Variants in PTPRT observed in about 807,000 individuals in gnomAD.
PTPRT encodes receptor-type tyrosine-protein phosphatase T.
Under a neutral mutation model 176.8 loss-of-function variants are expected in PTPRT, and 56 were observed. The observed-to-expected ratio is 0.32, with a 90% CI of 0.26 to 0.40. PTPRT has a LOEUF of 0.40. Among genes scored for constraint, PTPRT ranks in the 10% least tolerant of loss-of-function variants. The pLI, the probability that PTPRT is intolerant of heterozygous loss-of-function variation, is 1.00. For synonymous variants in PTPRT, 783 were observed against 739.0 expected (o/e 1.06, Z -0.96); for missense variants, 1,540 against 1,908.2 (o/e 0.81, Z 3.60).
At chr20:42,455,233 C>A (rs895329091) in intron 8 of PTPRT, among the ~76,000 whole-genome samples, 3 of 152,182 alleles carry the variant, frequency 2.0e-5, no homozygotes, top group Non-Finnish European at 2.9e-5. Context: ...TAAATACTTT[C>A]TCTTTCTGTA....
intron 12 of PTPRT, among the ~76,000 whole-genome samples, chr20:42,311,318 A>T (rs754150015): frequency 2.1e-4 from 32 of 152,176 alleles, no homozygotes; most frequent in Non-Finnish European, 3.7e-4. Context: ...TCACACAGCT[A>T]CTAGGGTTTT....
At chr20:42,668,696 C>CTT (rs34658528) in intron 7 of PTPRT, among the ~76,000 whole-genome samples, 40,563 of 140,804 alleles carry the variant, frequency 0.29, 5,914 homozygotes, top group Non-Finnish European at 0.3. Context: ...GCGGATAATT[C>CTT]TTTTTTTTTT....
intron 7 of PTPRT, chr20:42,606,773 T>G (rs1427318918): frequency 6.6e-6 from 1 of 152,200 alleles, no homozygotes; most frequent in East Asian, 1.9e-4. Flanking sequence ...TTTTTCTGCC[T>G]TTTCTGCCAT....
At chr20:43,096,934 C>T (rs1278939973) in intron 1 of PTPRT, among the ~76,000 whole-genome samples, 1 of 152,122 alleles carries the variant, frequency 6.6e-6, no homozygotes, top group Non-Finnish European at 1.5e-5. Context: ...GGCAGGATTG[C>T]AAGGATGAAG....
At chr20:42,092,407 C>A (rs569937300) in intron 27 of PTPRT, among the ~76,000 whole-genome samples, 8 of 152,314 alleles carry the variant, frequency 5.3e-5, no homozygotes, top group African/African-American at 1.7e-4. Context: ...TTATTTAAAT[C>A]TTCAAAGACA....
chr20:43,137,756 G>A (rs1160022296), intron 1 of PTPRT, among the ~76,000 whole-genome samples: 1 of 152,134 alleles, frequency 6.6e-6, no homozygotes, highest in Admixed American at 6.5e-5. Flanking sequence ...GCCAACACAT[G>A]CACACATGCA....
At chr20:43,112,460 C>T (rs1307216487) in intron 1 of PTPRT, among the ~76,000 whole-genome samples, 1 of 151,954 alleles carries the variant, frequency 6.6e-6, no homozygotes, top group Non-Finnish European at 1.5e-5. Context: ...TATTCTGTTG[C>T]ATGTTACGTA....
intron 1 of PTPRT, among the ~76,000 whole-genome samples, chr20:42,999,997 A>C (rs1984459265): frequency 1.3e-5 from 2 of 150,550 alleles, no homozygotes; most frequent in Non-Finnish European, 3.0e-5. Flanking sequence ...ACAAGATGAA[A>C]TAATTACAAA....
chr20:42,422,469 G>C (rs1444287409), intron 9 of PTPRT, among the ~76,000 whole-genome samples: 1 of 152,206 alleles, frequency 6.6e-6, no homozygotes, highest in Non-Finnish European at 1.5e-5. Flanking sequence ...CTGATCGTTA[G>C]AGAAATGCAA....
At chr20:42,773,707 A>T (rs538690216) in intron 4 of PTPRT, among the ~76,000 whole-genome samples, 2 of 152,346 alleles carry the variant, frequency 1.3e-5, no homozygotes, top group South Asian at 2.1e-4. Context: ...TTTTGGAACT[A>T]TCAGTTCAAA....
chr20:42,943,531 C>T (rs918475990), intron 1 of PTPRT, among the ~76,000 whole-genome samples: 1 of 151,742 alleles, frequency 6.6e-6, no homozygotes, highest in Non-Finnish European at 1.5e-5. Context: ...CTAGGACACC[C>T]CTACCCCCGA....
At chr20:42,368,674 T>C (rs80027980) in intron 9 of PTPRT, among the ~76,000 whole-genome samples, 12,255 of 152,312 alleles carry the variant, frequency 0.08, 519 homozygotes, top group Middle Eastern at 0.14. Context: ...GGGTGTTTCA[T>C]GTAGGAGGTG....
At chr20:43,006,072 A>G (rs933284281) in intron 1 of PTPRT, among the ~76,000 whole-genome samples, 2 of 152,248 alleles carry the variant, frequency 1.3e-5, no homozygotes, top group Non-Finnish European at 2.9e-5. Flanking sequence ...TTCTATACGC[A>G]AAATAGAGGA....
chr20:42,096,756 A>ATTTTTTT (rs58111170), intron 27 of PTPRT, among the ~76,000 whole-genome samples: 1 of 118,868 alleles, frequency 8.4e-6, no homozygotes, highest in African/African-American at 3.1e-5. Context: ...GCTAATTAAA[A>ATTTTTTT]TTTTTTTTTT....
intron 3 of PTPRT, among the ~76,000 whole-genome samples, chr20:42,783,790 A>G (rs1384820793): frequency 6.6e-6 from 1 of 152,152 alleles, no homozygotes; most frequent in African/African-American, 2.4e-5. Context: ...GAAATGGGAG[A>G]GCCAGGGGAG....
At chr20:43,087,152 G>C (rs2146299011) in intron 1 of PTPRT, among the ~76,000 whole-genome samples, 1 of 152,106 alleles carries the variant, frequency 6.6e-6, no homozygotes, top group South Asian at 2.1e-4. Flanking sequence ...TCTAATTTCT[G>C]TCTCTATAGT....
chr20:42,478,870 A>G (rs1175548831), intron 7 of PTPRT, among the ~76,000 whole-genome samples: 1 of 152,176 alleles, frequency 6.6e-6, no homozygotes, highest in African/African-American at 2.4e-5. Context: ...TATAACTATA[A>G]CATACAGCTG....
chr20:42,955,513 A>G (rs1981572261), intron 1 of PTPRT, among the ~76,000 whole-genome samples: 1 of 152,230 alleles, frequency 6.6e-6, no homozygotes, highest in Non-Finnish European at 1.5e-5. Flanking sequence ...ATAAGCCTCA[A>G]TTGCCATGAC....
intron 1 of PTPRT, among the ~76,000 whole-genome samples, chr20:42,895,897 A>G (rs1013108947): frequency 4.6e-5 from 7 of 152,092 alleles, no homozygotes; most frequent in African/African-American, 1.7e-4. Flanking sequence ...CAGTCACTGA[A>G]TTTTAATACA....
Sources: gnomAD v4.1 joint callset for allele counts (sites outside exome capture counted in the v4.1 genomes callset) on GRCh38, gnomAD v4.1.1 for gene constraint, MANE v1.5 for transcripts, NCBI Gene and HGNC (gene_info 2026-07-23, HGNC 2026-07-21) for gene names.